Variants in SCAPER observed in about 807,000 individuals in gnomAD.
SCAPER encodes S phase cyclin A-associated protein in the endoplasmic reticulum.
SCAPER carries 98 observed loss-of-function variants against 182.2 expected under a neutral mutation model. The observed-to-expected ratio is 0.54, with a 90% CI of 0.46 to 0.64. SCAPER has a LOEUF of 0.64. Among genes scored for constraint, SCAPER ranks in the 30% least tolerant of loss-of-function variants. The pLI is 0.00. For synonymous variants in SCAPER, 605 were observed against 564.6 expected (o/e 1.07, Z -1.01); for missense variants, 1,432 against 1,690.0 (o/e 0.85, Z 2.68).
chr15:76,400,694 G>A (rs1248204970), intron 27 of SCAPER, among the ~76,000 whole-genome samples: 1 of 152,108 alleles, frequency 6.6e-6, no homozygotes, highest in African/African-American at 2.4e-5. Context: ...AATTAAGCCA[G>A]GAAACCACCT....
intron 8 of SCAPER, among the ~76,000 whole-genome samples, chr15:76,779,805 T>C (rs1323835431): frequency 6.6e-6 from 1 of 152,050 alleles, no homozygotes; most frequent in Non-Finnish European, 1.5e-5. Flanking sequence ...AATAATAGTA[T>C]ATGAAATATA....
intron 24 of SCAPER, among the ~76,000 whole-genome samples, chr15:76,494,094 T>C (rs1477102279): frequency 6.6e-6 from 1 of 152,202 alleles, no homozygotes; most frequent in Non-Finnish European, 1.5e-5. Flanking sequence ...TACTCTTTTA[T>C]TAGTGCTTAC....
At chr15:76,894,966 A>C (rs1349144601) in intron 1 of SCAPER, among the ~76,000 whole-genome samples, 2 of 152,206 alleles carry the variant, frequency 1.3e-5, no homozygotes, top group Non-Finnish European at 2.9e-5. Context: ...TTAACGAAGA[A>C]TTAATACCAA....
chr15:76,462,530 A>G (rs2049268354), intron 25 of SCAPER, among the ~76,000 whole-genome samples: 1 of 152,112 alleles, frequency 6.6e-6, no homozygotes, highest in Non-Finnish European at 1.5e-5. Flanking sequence ...TGTGCATTAA[A>G]CTGTTAATTG....
At chr15:76,800,886 A>G (rs554242861) in intron 6 of SCAPER, among the ~76,000 whole-genome samples, 1 of 152,330 alleles carries the variant, frequency 6.6e-6, no homozygotes, top group South Asian at 2.1e-4. Flanking sequence ...GGGAAAGCTA[A>G]GAAACATAAC....
At chr15:76,479,979 G>T (rs2050972787) in intron 24 of SCAPER, among the ~76,000 whole-genome samples, 1 of 152,178 alleles carries the variant, frequency 6.6e-6, no homozygotes, top group Non-Finnish European at 1.5e-5. Flanking sequence ...AGAGAAACTT[G>T]GTGTTTTTAT....
chr15:76,779,430 T>C lies in SCAPER; in HGVS notation c.773-4313A>G, dbSNP rs549751677. Among the ~76,000 whole-genome samples the C allele has an allele frequency of 2.6e-5, 4 of 152,234 alleles. No individual in the cohort carries two copies. In the South Asian group the frequency reaches 8.3e-4, roughly 32 times the overall value. On this transcript the variant is annotated intron_variant, in intron 8 of 31. Coordinates refer to ENST00000563290, the MANE Select transcript of SCAPER (RefSeq NM_020843.4). ...AATACTACAAACAACTTTATGCCAA[T>C]AAATTCAATGACATGGAATAAATGG...
At chr15:76,454,907 G>A (rs530268370) in intron 25 of SCAPER, among the ~76,000 whole-genome samples, 2 of 151,706 alleles carry the variant, frequency 1.3e-5, no homozygotes, top group Non-Finnish European at 2.9e-5. Flanking sequence ...AAATTATTCA[G>A]GCTTTCTATT....
chr15:76,898,651 T>C (rs901811464), intron 1 of SCAPER, among the ~76,000 whole-genome samples: 7 of 152,242 alleles, frequency 4.6e-5, no homozygotes, highest in South Asian at 2.1e-4. Flanking sequence ...AAAGGCTTCG[T>C]ACTGTATAAT....
At chr15:76,772,949 C>A (rs2063550867) in intron 9 of SCAPER, among the ~76,000 whole-genome samples, 1 of 151,890 alleles carries the variant, frequency 6.6e-6, no homozygotes, top group Non-Finnish European at 1.5e-5. Context: ...TCAAACTTGG[C>A]TAAGTCTCAT....
chr15:76,527,257 C>T (rs1409757151), intron 23 of SCAPER, among the ~76,000 whole-genome samples: 1 of 152,114 alleles, frequency 6.6e-6, no homozygotes, highest in African/African-American at 2.4e-5. Context: ...TATGTCATGG[C>T]TTTCTTAATA....
At chr15:76,818,756 A>G (rs1274842393) in intron 5 of SCAPER, among the ~76,000 whole-genome samples, 1 of 152,240 alleles carries the variant, frequency 6.6e-6, no homozygotes, top group Non-Finnish European at 1.5e-5. Flanking sequence ...CAGTGGGTGC[A>G]GCGCACCGTG....
intron 7 of SCAPER, chr15:76,797,677 T>A (rs138529341): frequency 6.6e-6 from 1 of 152,254 alleles, no homozygotes; most frequent in East Asian, 1.9e-4. Context: ...CTCAAGGTAT[T>A]TAAGGAAACC....
At chr15:76,707,379 C>T (rs766283925) in intron 17 of SCAPER, among the ~76,000 whole-genome samples, 1 of 151,744 alleles carries the variant, frequency 6.6e-6, no homozygotes, top group African/African-American at 2.4e-5. Context: ...TATATACAGC[C>T]TACAAGAGAC....
chr15:76,767,540 A>G (rs1339211943), intron 10 of SCAPER, among the ~76,000 whole-genome samples: 1 of 152,288 alleles, frequency 6.6e-6, no homozygotes, highest in East Asian at 1.9e-4. Context: ...ACTTTAAAAA[A>G]TGCACTGCAA....
At chr15:76,482,054 G>C (rs374969832) in intron 24 of SCAPER, among the ~76,000 whole-genome samples, 1 of 151,958 alleles carries the variant, frequency 6.6e-6, no homozygotes, top group Non-Finnish European at 1.5e-5. Context: ...ATCAGCAGGC[G>C]CATAATATCT....
chr15:76,453,919 G>A (rs1398697426), intron 25 of SCAPER, among the ~76,000 whole-genome samples: 1 of 152,154 alleles, frequency 6.6e-6, no homozygotes, highest in Non-Finnish European at 1.5e-5. Context: ...TATCATCTGT[G>A]TCTATTTAAA....
intron 5 of SCAPER, among the ~76,000 whole-genome samples, chr15:76,812,990 AATG>A (rs2066755270): frequency 6.9e-6 from 1 of 145,702 alleles, no homozygotes. Flanking sequence ...TAACACAAAA[AATG>A]ATGAATATAC....
At chr15:76,454,561 T>C (rs992250689) in intron 25 of SCAPER, among the ~76,000 whole-genome samples, 1 of 152,174 alleles carries the variant, frequency 6.6e-6, no homozygotes, top group Non-Finnish European at 1.5e-5. Flanking sequence ...AATATAACGT[T>C]TAGTTTTGCT....
Sources: gnomAD v4.1 joint callset for allele counts (sites outside exome capture counted in the v4.1 genomes callset) on GRCh38, gnomAD v4.1.1 for gene constraint, MANE v1.5 for transcripts, NCBI Gene and HGNC (gene_info 2026-07-23, HGNC 2026-07-21) for gene names.